The following GALNTL6 variants were observed in gnomAD, a reference collection of about 807,000 sequenced individuals.
GALNTL6 encodes polypeptide N-acetylgalactosaminyltransferase like 6.
A neutral mutation model predicts 73.7 loss-of-function variants in GALNTL6; 46 were observed. The ratio of observed to expected loss-of-function variants is 0.62; its 90% CI spans 0.49 to 0.80. GALNTL6 has a LOEUF of 0.80. Among genes scored for constraint, GALNTL6 ranks in the 30% least tolerant of loss-of-function variants. GALNTL6 has a pLI of 0.00. For synonymous variants in GALNTL6, 259 were observed against 263.7 expected (o/e 0.98, Z 0.17); for missense variants, 604 against 755.0 (o/e 0.80, Z 2.34).
intron 10 of GALNTL6, among the ~76,000 whole-genome samples, chr4:172,983,752 G>T (rs571343251): frequency 9.2e-5 from 14 of 152,170 alleles, no homozygotes; most frequent in African/African-American, 3.4e-4. Flanking sequence ...TGTTGTGATG[G>T]TTAAATAAAA....
At chr4:171,853,012 A>ATTTTTTTTTTTTTTTTTTTTT (rs765984611) in intron 2 of GALNTL6, among the ~76,000 whole-genome samples, 2 of 86,870 alleles carry the variant, frequency 2.3e-5, no homozygotes, top group Non-Finnish European at 4.2e-5. Flanking sequence ...CGCCCGGCTA[A>ATTTTTTTTTTTTTTTTTTTTT]TTTTTTTTTT....
intron 5 of GALNTL6, among the ~76,000 whole-genome samples, chr4:172,570,614 C>G (rs79606041): frequency 6.6e-6 from 1 of 152,056 alleles, no homozygotes; most frequent in African/African-American, 2.4e-5. Flanking sequence ...CCAGTGGACC[C>G]CAACCTTTAT....
chr4:171,993,790 T>TTATA (rs891221682), intron 2 of GALNTL6, among the ~76,000 whole-genome samples: 1 of 150,982 alleles, frequency 6.6e-6, no homozygotes, highest in Non-Finnish European at 1.5e-5. Flanking sequence ...GAGAAAGACA[T>TTATA]TATATATATA....
chr4:172,694,290 C>T (rs1011198749), intron 5 of GALNTL6, among the ~76,000 whole-genome samples: 2 of 152,104 alleles, frequency 1.3e-5, no homozygotes, highest in Admixed American at 1.3e-4. Context: ...GTTCTCCCTC[C>T]CCTTGCCCCC....
chr4:172,317,454 G>T (rs1740601672), intron 4 of GALNTL6, among the ~76,000 whole-genome samples: 1 of 152,134 alleles, frequency 6.6e-6, no homozygotes, highest in Non-Finnish European at 1.5e-5. Flanking sequence ...TTTGTCTTCT[G>T]ATAATGATCT....
intron 12 of GALNTL6, among the ~76,000 whole-genome samples, chr4:173,030,452 G>T (rs1392201224): frequency 1.3e-5 from 2 of 152,044 alleles, no homozygotes; most frequent in South Asian, 2.1e-4. Context: ...AAATAGAAAG[G>T]CTCTGTTACA....
chr4:172,189,840 T>C (rs992481018), intron 2 of GALNTL6, among the ~76,000 whole-genome samples: 1 of 152,090 alleles, frequency 6.6e-6, no homozygotes, highest in Non-Finnish European at 1.5e-5. Flanking sequence ...ATAATAATAA[T>C]AATAATACCT....
intron 7 of GALNTL6, among the ~76,000 whole-genome samples, chr4:172,856,330 CAG>C (rs1400126516): frequency 6.6e-6 from 1 of 152,122 alleles, no homozygotes; most frequent in Non-Finnish European, 1.5e-5. Context: ...TGGTGAGAAA[CAG>C]AGAAAAATTG....
At chr4:171,858,241 A>G (rs977425697) in intron 2 of GALNTL6, among the ~76,000 whole-genome samples, 9 of 152,138 alleles carry the variant, frequency 5.9e-5, no homozygotes, top group Admixed American at 3.3e-4. Flanking sequence ...TAAGGTATAG[A>G]CAGTTATCTT....
At chr4:172,039,328 A>G (rs1742022666) in intron 2 of GALNTL6, among the ~76,000 whole-genome samples, 1 of 152,196 alleles carries the variant, frequency 6.6e-6, no homozygotes, top group African/African-American at 2.4e-5. Context: ...TCAGCCTAGA[A>G]AGTAAAGAAA....
In GALNTL6 at chr4:173,020,987, C is replaced by T. The variant is rs550452746; in HGVS notation, c.1489-489C>T. On this transcript the variant is annotated intron_variant, in intron 11 of 12. Transcript: ENST00000506823. ...ACTCGGGAGGCTGAGGCAGGAGAAT[C>T]GCTTGAACCTGGGAGGTGGAGGATG... Among the ~76,000 whole-genome samples the T allele has an allele frequency of 1.7e-3, 253 of 152,232 alleles. 1 individual carries two copies. The highest frequency in any genetic ancestry group is 5.8e-3 in the Admixed American group (89 of 15,280).
chr4:172,635,712 G>A (rs551481666), intron 5 of GALNTL6, among the ~76,000 whole-genome samples: 4 of 152,080 alleles, frequency 2.6e-5, no homozygotes, highest in African/African-American at 9.7e-5. Context: ...ATTCTAGATT[G>A]TGGATGATCA....
In GALNTL6 at chr4:172,423,319, C is replaced by G. The variant is rs114755106; in HGVS notation, c.553+74630C>G. On this transcript the variant is annotated intron_variant, in intron 5 of 12. Coordinates refer to ENST00000506823, the MANE Select transcript of GALNTL6 (RefSeq NM_001034845.3). ...CAATGTCTCTGCATTTCTCACAGAA[C>G]AAAAGCCAAGGTGCTTATGGTGATC... Among the ~76,000 whole-genome samples the G allele has an allele frequency of 5.4e-3, 814 of 152,148 alleles. 8 individuals carry two copies. The highest frequency in any genetic ancestry group is 0.018 in the African/African-American group (745 of 41,530).
chr4:171,838,163 G>T (rs1735149637), intron 2 of GALNTL6, among the ~76,000 whole-genome samples: 1 of 150,102 alleles, frequency 6.7e-6, no homozygotes, highest in African/African-American at 2.5e-5. Flanking sequence ...CGCTCTTTTT[G>T]CCCAGGCTGA....
intron 5 of GALNTL6, among the ~76,000 whole-genome samples, chr4:172,495,068 A>G (rs1734024976): frequency 6.6e-6 from 1 of 152,200 alleles, no homozygotes; most frequent in Non-Finnish European, 1.5e-5. Context: ...TGAAGACAGA[A>G]TTCAGGAATC....
intron 2 of GALNTL6, among the ~76,000 whole-genome samples, chr4:171,941,903 G>A (rs1307417029): frequency 6.6e-6 from 1 of 152,090 alleles, no homozygotes; most frequent in Non-Finnish European, 1.5e-5. Flanking sequence ...TCAGAAGAAA[G>A]AAGTTAAAAA....
chr4:172,305,342 A>T (rs1447294441), intron 3 of GALNTL6, among the ~76,000 whole-genome samples: 1 of 152,098 alleles, frequency 6.6e-6, no homozygotes, highest in African/African-American at 2.4e-5. Flanking sequence ...CTTAATACTT[A>T]TATATTTAAA....
In GALNTL6 at chr4:172,748,121, TTAAAA is replaced by T. The variant is rs571987571; in HGVS notation, c.554-61235_554-61231del. Among the ~76,000 whole-genome samples, 189 of 152,278 alleles carry T rather than the reference TTAAAA, an allele frequency of 1.2e-3. 1 individual carries two copies. Among genetic ancestry groups the T allele is most frequent in the African/African-American group, 4.4e-3 (184 of 41,568 alleles). Reference sequence around the variant, plus strand: ...ACCAAAACACTTATAATATTAAGAATTAAAATAAATGTGAACTATATATACATTTA... The same window carrying T: ...ACCAAAACACTTATAATATTAAGAATTAAATGTGAACTATATATACATTTA... On this transcript the variant is annotated intron_variant, in intron 5 of 12. Coordinates refer to ENST00000506823, the MANE Select transcript of GALNTL6 (RefSeq NM_001034845.3).
At chr4:172,588,345 G>A (rs1313308608) in intron 5 of GALNTL6, among the ~76,000 whole-genome samples, 2 of 152,020 alleles carry the variant, frequency 1.3e-5, no homozygotes, top group Non-Finnish European at 2.9e-5. Context: ...TGCAATCCCA[G>A]CACTTTGAGA....
Sources: allele counts gnomAD v4.1 joint callset (sites outside exome capture counted in the v4.1 genomes callset), GRCh38; gene constraint gnomAD v4.1.1; transcripts MANE v1.5; gene names NCBI Gene and HGNC (gene_info 2026-07-23, HGNC 2026-07-21).